PMFBP1: variants seen among roughly 807,000 people sequenced by gnomAD.
PMFBP1 encodes the protein polyamine-modulated factor 1-binding protein 1.
A neutral mutation model predicts 137.8 loss-of-function variants in PMFBP1; 131 were observed. The observed-to-expected ratio is 0.95, with a 90% CI of 0.82 to 1.10. The LOEUF (loss-of-function observed/expected upper bound fraction) is 1.10. PMFBP1 is among the 50% of genes least tolerant of loss of function. The pLI, the probability that PMFBP1 is intolerant of heterozygous loss-of-function variation, is 0.00. For missense variants in PMFBP1, 1,199 were observed against 1,175.4 expected, an observed-to-expected ratio of 1.02 and a Z score of -0.29; for synonymous variants, 490 against 450.4, an observed-to-expected ratio of 1.09 and a Z score of -1.11.
At chr16:72,125,844 C>T (rs2042447234) in intron 15 of PMFBP1, 124 bp downstream of exon 15, 3 of 1,249,888 alleles carry the variant, frequency 2.4e-6, no homozygotes, top group African/African-American at 3.0e-5. Context: ...TCCCAGCCCA[C>T]ACAAGGGTTT....
chr16:72,158,631 TA>T (rs1272271856), intron 3 of PMFBP1, among the ~76,000 whole-genome samples: 1 of 152,022 alleles, frequency 6.6e-6, no homozygotes, highest in Non-Finnish European at 1.5e-5. Context: ...TGGACAGAAT[TA>T]ATGCAAAGGA....
chr16:72,207,350 T>G, the PMFBP1 span, among the ~76,000 whole-genome samples: 1 of 151,898 alleles, frequency 6.6e-6, no homozygotes, highest in Non-Finnish European at 1.5e-5. Flanking sequence ...GAAGCAGACA[T>G]GGAGGTTTTC....
the PMFBP1 span, among the ~76,000 whole-genome samples, chr16:72,207,891 T>C: frequency 6.6e-6 from 1 of 152,118 alleles, no homozygotes; most frequent in African/African-American, 2.4e-5. Context: ...AGAGTCCAAA[T>C]ACCTGAGCAT....
intron 5 of PMFBP1, among the ~76,000 whole-genome samples, chr16:72,148,902 G>A (rs1384042336): frequency 6.6e-6 from 1 of 152,078 alleles, no homozygotes; most frequent in Non-Finnish European, 1.5e-5. Context: ...CTCCCTATGG[G>A]GCCCACATCC....
At chr16:72,132,704 C>A (rs1457179398) in intron 10 of PMFBP1, 44 bp downstream of exon 10, 2 of 1,612,540 alleles carry the variant, frequency 1.2e-6, no homozygotes, top group East Asian at 2.2e-5. Flanking sequence ...GCTGCTCTAG[C>A]CCCACAGAAA....
the PMFBP1 span, among the ~76,000 whole-genome samples, chr16:72,248,240 C>T: frequency 9.2e-5 from 14 of 152,308 alleles, no homozygotes; most frequent in South Asian, 2.9e-3. Flanking sequence ...TTAGTTGGCG[C>T]TGACAGGATT....
intron 2 of PMFBP1, among the ~76,000 whole-genome samples, chr16:72,167,829 C>T (rs2043166992): frequency 6.6e-6 from 1 of 152,208 alleles, no homozygotes; most frequent in Non-Finnish European, 1.5e-5. Flanking sequence ...CCAGATTGTT[C>T]CCCATGGAGA....
chr16:72,180,701 T>C (rs1307000658), upstream of PMFBP1, among the ~76,000 whole-genome samples: 2 of 151,986 alleles, frequency 1.3e-5, no homozygotes, highest in East Asian at 1.9e-4. Context: ...GCCCTCTGTA[T>C]GTGTTGTAGT....
chr16:72,123,045 G>A, intron 18 of PMFBP1, 57 bp from the exon 19 acceptor site: 1 of 1,496,078 alleles, frequency 6.7e-7, no homozygotes, highest in Non-Finnish European at 9.2e-7. Flanking sequence ...CGCGAGCAAG[G>A]GTGCAGCTGG....
intron 17 of PMFBP1, 116 bp from the exon 18 acceptor site, chr16:72,123,765 C>T (rs2042412275): frequency 1.1e-6 from 1 of 878,664 alleles, no homozygotes; most frequent in East Asian, 2.7e-5. Flanking sequence ...CTCTGCTGTC[C>T]AACCCGAGGC....
At chr16:72,130,149 C>T (rs1332257262) in intron 12 of PMFBP1, 64 bp downstream of exon 12, 1 of 1,593,588 alleles carries the variant, frequency 6.3e-7, no homozygotes, top group South Asian at 1.1e-5. Context: ...GCCACTGCTC[C>T]TAGTCTGTGT....
At chr16:72,130,779 T>C in intron 10 of PMFBP1, 57 bp from the exon 11 acceptor site, 1 of 1,484,060 alleles carries the variant, frequency 6.7e-7, no homozygotes, top group Non-Finnish European at 9.0e-7. Flanking sequence ...GATCACACTC[T>C]TATCAGCCTG....
upstream of PMFBP1, among the ~76,000 whole-genome samples, chr16:72,181,753 A>T (rs900214128): frequency 2.6e-5 from 4 of 152,244 alleles, no homozygotes; most frequent in Admixed American, 2.0e-4. Flanking sequence ...GCATGCCAAC[A>T]TGTATTAGTT....
At chr16:72,245,461 T>A in the PMFBP1 span, among the ~76,000 whole-genome samples, 1 of 152,156 alleles carries the variant, frequency 6.6e-6, no homozygotes, top group African/African-American at 2.4e-5. Context: ...TCTTAAACGC[T>A]GTAGTTTAGT....
At chr16:72,118,153 G>A (rs1043166812), downstream of PMFBP1, among the ~76,000 whole-genome samples, 2 of 152,164 alleles carry the variant, frequency 1.3e-5, no homozygotes, top group Non-Finnish European at 2.9e-5. Flanking sequence ...GACTAGGCTG[G>A]GGATTTTAAT....
the PMFBP1 span, among the ~76,000 whole-genome samples, chr16:72,198,858 C>T: frequency 5.9e-5 from 8 of 136,340 alleles, no homozygotes; most frequent in Non-Finnish European, 1.2e-4. Context: ...CCAGGAGGTA[C>T]GGCCGCCGAT....
the PMFBP1 span, among the ~76,000 whole-genome samples, chr16:72,225,700 G>A: frequency 1.6e-5 from 2 of 124,664 alleles, no homozygotes; most frequent in East Asian, 4.5e-4. Context: ...ATGACAGAAT[G>A]AGACTGTTTA....
At chr16:72,189,315 C>A in the PMFBP1 span, among the ~76,000 whole-genome samples, 2 of 152,344 alleles carry the variant, frequency 1.3e-5, no homozygotes, top group Admixed American at 6.5e-5. Context: ...TCAGCCACCA[C>A]ATGCTGCCGT....
At chr16:72,214,208 T>C in the PMFBP1 span, among the ~76,000 whole-genome samples, 1 of 152,122 alleles carries the variant, frequency 6.6e-6, no homozygotes, top group Non-Finnish European at 1.5e-5. Context: ...AAGTTTTTTT[T>C]TTTTGAGATG....
Sources: gnomAD v4.1 joint callset for allele counts (sites outside exome capture counted in the v4.1 genomes callset) on GRCh38, gnomAD v4.1.1 for gene constraint, MANE v1.5 for transcripts, NCBI Gene and HGNC (gene_info 2026-07-23, HGNC 2026-07-21) for gene names.